CACNA1D: variants seen among roughly 807,000 people sequenced by gnomAD.
The protein encoded by CACNA1D is calcium voltage-gated channel subunit alpha1 D, also known as voltage-dependent L-type calcium channel subunit alpha-1D.
Under a neutral mutation model 257.1 loss-of-function variants are expected in CACNA1D, and 55 were observed. That is an observed-to-expected ratio of 0.21 (90% CI 0.17 to 0.27). CACNA1D has a LOEUF of 0.27. Ranked by LOEUF, CACNA1D falls within the 10% of genes least tolerant of loss-of-function variation. CACNA1D has a pLI of 1.00. For missense variants in CACNA1D, 1,876 were observed against 2,784.0 expected, an observed-to-expected ratio of 0.67 and a Z score of 7.34; for synonymous variants, 980 against 1,014.9, an observed-to-expected ratio of 0.97 and a Z score of 0.65.
At chr3:53,702,508 A>C (rs921122338) in intron 8 of CACNA1D, 133 bp from the exon 9 acceptor site, 1 of 820,804 alleles carries the variant, frequency 1.2e-6, no homozygotes. Context: ...GTGTGGCTCC[A>C]TTGCTGTGCT....
chr3:53,652,277 T>C (rs576757408), intron 4 of CACNA1D, among the ~76,000 whole-genome samples: 21 of 152,260 alleles, frequency 1.4e-4, no homozygotes, highest in African/African-American at 4.8e-4. Context: ...GATCACCTCA[T>C]ATTTCTGCCT....
intron 19 of CACNA1D, among the ~76,000 whole-genome samples, chr3:53,734,835 C>T (rs1355942366): frequency 6.6e-6 from 1 of 152,154 alleles, no homozygotes; most frequent in Admixed American, 6.5e-5. Context: ...CAGAGATGTC[C>T]TGAAGTCTCA....
intron 3 of CACNA1D, among the ~76,000 whole-genome samples, chr3:53,520,895 T>TTCC (rs2091540835): frequency 1.2e-5 from 1 of 86,804 alleles, no homozygotes; most frequent in Admixed American, 1.2e-4. Flanking sequence ...TCTTTCTTTC[T>TTCC]TTTCTTTTCT....
intron 3 of CACNA1D, among the ~76,000 whole-genome samples, chr3:53,562,172 G>A (rs1456798642): frequency 6.6e-6 from 1 of 152,214 alleles, no homozygotes; most frequent in Non-Finnish European, 1.5e-5. Context: ...TTAGAAATCT[G>A]TGGAGCAGCT....
intron 3 of CACNA1D, among the ~76,000 whole-genome samples, chr3:53,513,547 T>C (rs957540027): frequency 1.3e-5 from 2 of 152,152 alleles, no homozygotes; most frequent in African/African-American, 2.4e-5. Context: ...GGTGGGAGAA[T>C]CACTTGAGCC....
At chr3:53,547,749 C>T (rs1482009010) in intron 3 of CACNA1D, among the ~76,000 whole-genome samples, 1 of 152,114 alleles carries the variant, frequency 6.6e-6, no homozygotes, top group Non-Finnish European at 1.5e-5. Context: ...CTGTCATGAC[C>T]CAACCATGGC....
At chr3:53,500,992 A>T (rs992640888) in intron 2 of CACNA1D, among the ~76,000 whole-genome samples, 1 of 152,220 alleles carries the variant, frequency 6.6e-6, no homozygotes, top group African/African-American at 2.4e-5. Context: ...ATAGCCATCG[A>T]TTCCTCTAGC....
intron 8 of CACNA1D, among the ~76,000 whole-genome samples, chr3:53,688,057 T>C (rs147531566): frequency 4.9e-4 from 74 of 152,360 alleles, no homozygotes; most frequent in African/African-American, 1.7e-3. Flanking sequence ...ACTCACCATA[T>C]GGCCAAGCAA....
chr3:53,728,444 A>C (rs1339902971), intron 15 of CACNA1D, among the ~76,000 whole-genome samples: 2 of 152,216 alleles, frequency 1.3e-5, no homozygotes, highest in Non-Finnish European at 2.9e-5. Context: ...CGGCCTGTCT[A>C]CTGGAATTTT....
chr3:53,536,358 T>C (rs1474179129), intron 3 of CACNA1D, among the ~76,000 whole-genome samples: 1 of 152,244 alleles, frequency 6.6e-6, no homozygotes, highest in Non-Finnish European at 1.5e-5. Flanking sequence ...CATTTACTTT[T>C]TTTTTTAACT....
chr3:53,769,875 A>T, intron 30 of CACNA1D, 98 bp from the exon 31 acceptor site: 2 of 951,786 alleles, frequency 2.1e-6, no homozygotes, highest in Non-Finnish European at 3.5e-6. Context: ...GTGTCTAAAG[A>T]TGGGAACCAC....
chr3:53,804,782 C>T (rs543851223), intron 44 of CACNA1D, among the ~76,000 whole-genome samples: 1 of 152,306 alleles, frequency 6.6e-6, no homozygotes, highest in African/African-American at 2.4e-5. Context: ...CCAGCACATC[C>T]CTCAGCACAG....
At chr3:53,703,355 A>G (rs2094647674) in intron 9 of CACNA1D, among the ~76,000 whole-genome samples, 1 of 152,200 alleles carries the variant, frequency 6.6e-6, no homozygotes, top group Admixed American at 6.5e-5. Context: ...TGAGTCAGTG[A>G]CAGCTGCTTT....
intron 3 of CACNA1D, among the ~76,000 whole-genome samples, chr3:53,573,238 A>C (rs977172893): frequency 2.6e-5 from 4 of 152,146 alleles, no homozygotes; most frequent in Non-Finnish European, 5.9e-5. Flanking sequence ...CTCTGTGCCA[A>C]CTGCTGGCAG....
chr3:53,596,338 A>G (rs1022415597), intron 3 of CACNA1D, among the ~76,000 whole-genome samples: 1 of 152,096 alleles, frequency 6.6e-6, no homozygotes, highest in East Asian at 1.9e-4. Context: ...GAGGAAGGAT[A>G]ACTCCAGTGT....
chr3:53,513,670 C>T (rs888253743), intron 3 of CACNA1D, among the ~76,000 whole-genome samples: 4 of 152,086 alleles, frequency 2.6e-5, no homozygotes, highest in African/African-American at 7.2e-5. Flanking sequence ...TCTGAGTGTA[C>T]GGTATTTATA....
intron 40 of CACNA1D, among the ~76,000 whole-genome samples, chr3:53,787,452 T>TGTGTGTGTGTGTGC: frequency 6.6e-6 from 1 of 150,628 alleles, no homozygotes; most frequent in South Asian, 2.1e-4. Flanking sequence ...TGTGTGTGTG[T>TGTGTGTGTGTGTGC]GTATGTATGT....
chr3:53,640,051 A>G (rs1387289310), intron 3 of CACNA1D, among the ~76,000 whole-genome samples: 1 of 151,838 alleles, frequency 6.6e-6, no homozygotes, highest in Non-Finnish European at 1.5e-5. Flanking sequence ...TAGTAGAGAT[A>G]GGTTTCACCG....
chr3:53,697,599 C>G (rs1414927872), intron 8 of CACNA1D, among the ~76,000 whole-genome samples: 5 of 152,014 alleles, frequency 3.3e-5, no homozygotes, highest in Admixed American at 1.3e-4. Context: ...TAGAACAACC[C>G]CAAGAATAGA....
Sources: gnomAD v4.1 joint callset for allele counts (sites outside exome capture counted in the v4.1 genomes callset) on GRCh38, gnomAD v4.1.1 for gene constraint, MANE v1.5 for transcripts, NCBI Gene and HGNC (gene_info 2026-07-23, HGNC 2026-07-21) for gene names.